Variants in AP1B1 observed in about 807,000 individuals in gnomAD.
AP1B1 encodes adaptor related protein complex 1 subunit beta 1, also known as AP-1 complex subunit beta-1.
AP1B1 carries 36 observed loss-of-function variants against 104.3 expected under a neutral mutation model. The observed-to-expected ratio is 0.35, with a 90% CI of 0.26 to 0.46. The LOEUF is 0.46. Among genes scored for constraint, AP1B1 ranks in the 20% least tolerant of loss-of-function variants. The pLI is 1.00. For synonymous variants in AP1B1, 504 were observed against 517.5 expected, an observed-to-expected ratio of 0.97 and a Z score of 0.35; for missense variants, 901 against 1,247.9, an observed-to-expected ratio of 0.72 and a Z score of 4.19.
chr22:29,350,188 A>G (rs1363129639), intron 9 of AP1B1, 38 bp from the exon 10 acceptor site: 1 of 1,554,750 alleles, frequency 6.4e-7, no homozygotes, highest in African/African-American at 1.4e-5. Flanking sequence ...AGGTCCCCGC[A>G]CCCCATTTCC....
At chr22:29,363,840 G>A (rs2062090464) in intron 2 of AP1B1, among the ~76,000 whole-genome samples, 1 of 151,904 alleles carries the variant, frequency 6.6e-6, no homozygotes, top group African/African-American at 2.4e-5. Flanking sequence ...AGGTTGCCGT[G>A]AGCCATGACA....
In AP1B1 at chr22:29,371,279, C is replaced by T. The variant is rs920866407; in HGVS notation, c.-27-4009G>A. The stretch of plus-strand genomic sequence containing the variant: ...AATGGAAAAAACCCTACAGTTCAGT[C>T]CTAACGGGGCTCAGACTCATAGATG... On this transcript the variant is annotated intron_variant, in intron 1 of 22. Transcript: ENST00000357586. Among the ~76,000 whole-genome samples, 13 of 152,272 alleles carry T rather than the reference C, an allele frequency of 8.5e-5. No homozygotes were observed. In the South Asian group the frequency reaches 2.5e-3, roughly 29 times the overall value.
At chr22:29,362,877 G>A in intron 3 of AP1B1, 124 bp downstream of exon 3, 1 of 666,204 alleles carries the variant, frequency 1.5e-6, no homozygotes, top group Non-Finnish European at 2.8e-6. Flanking sequence ...GTTTTATGAA[G>A]GGAGCTGTAT....
chr22:29,367,812 A>G (rs1430504742), intron 1 of AP1B1, among the ~76,000 whole-genome samples: 3 of 152,208 alleles, frequency 2.0e-5, no homozygotes, highest in Admixed American at 2.0e-4. Flanking sequence ...GAAAATACCA[A>G]GCTTAAAAGG....
chr22:29,357,535 T>G (rs1359869413), intron 5 of AP1B1, among the ~76,000 whole-genome samples: 1 of 151,800 alleles, frequency 6.6e-6, no homozygotes, highest in Non-Finnish European at 1.5e-5. Context: ...CCAGCTAATT[T>G]TTATATTTTT....
chr22:29,362,087 C>T (rs187315249), intron 3 of AP1B1, among the ~76,000 whole-genome samples: 10 of 152,120 alleles, frequency 6.6e-5, no homozygotes, highest in African/African-American at 1.9e-4. Context: ...CCACCACATC[C>T]GGCCTCGAAT....
At chr22:29,349,986 G>C in intron 10 of AP1B1, 49 bp downstream of exon 10, 1 of 1,440,868 alleles carries the variant, frequency 6.9e-7, no homozygotes, top group Non-Finnish European at 9.8e-7. Context: ...CGCCATCCCT[G>C]TCCCCAGGCA....
intron 11 of AP1B1, among the ~76,000 whole-genome samples, chr22:29,343,198 T>C (rs1283157128): frequency 6.6e-6 from 1 of 152,240 alleles, no homozygotes; most frequent in Non-Finnish European, 1.5e-5. Context: ...AGTCACGGTC[T>C]CATTTTTGCT....
intron 11 of AP1B1, among the ~76,000 whole-genome samples, chr22:29,344,035 G>A (rs540205116): frequency 2.7e-4 from 41 of 151,844 alleles, no homozygotes; most frequent in Non-Finnish European, 5.4e-4. Flanking sequence ...GCTTGAACCC[G>A]GGAGGCAGAG....
chr22:29,329,924 T>C, intron 21 of AP1B1: 1 of 1,431,126 alleles, frequency 7.0e-7, no homozygotes, highest in South Asian at 1.5e-5. Flanking sequence ...TCCGGGGCCC[T>C]GGAACAGCGG....
intron 17 of AP1B1, chr22:29,333,065 C>T (rs1199373919): frequency 3.3e-5 from 5 of 153,580 alleles, no homozygotes; most frequent in Non-Finnish European, 7.3e-5. Flanking sequence ...GCCTGGTGCA[C>T]TTCTGTGGCC....
In AP1B1 at chr22:29,354,726, G is replaced by A; in HGVS notation, c.862C>T (p.Leu288=). Residue 288 remains leucine (L), a synonymous_variant, in exon 7 of 23, where the codon CTG becomes TTG. Coordinates refer to ENST00000357586, the MANE Select transcript of AP1B1 (RefSeq NM_001127.4). Reference sequence around the variant, plus strand: ...GGCTCGGCTGACAGCAGTGTGACCAGGGGTGGGGCCAGCTTCTTGAGCAGT... The same window carrying A: ...GGCTCGGCTGACAGCAGTGTGACCAAGGGTGGGGCCAGCTTCTTGAGCAGT... ...GTLLKKLAPP[L]VTLLSAEPEL... 6.2e-7 allele frequency: 1 copy of A among 1,614,070 alleles called. No homozygotes were observed. The highest frequency in any genetic ancestry group is 8.5e-7 in the Non-Finnish European group (1 of 1,180,030).
chr22:29,383,899 T>C (rs1023385627), intron 1 of AP1B1, among the ~76,000 whole-genome samples: 2 of 152,134 alleles, frequency 1.3e-5, no homozygotes, highest in African/African-American at 4.8e-5. Context: ...CCTCCCTTCC[T>C]GACAGAGGTC....
intron 2 of AP1B1, among the ~76,000 whole-genome samples, chr22:29,364,134 T>C (rs1434244349): frequency 6.6e-6 from 1 of 152,228 alleles, no homozygotes; most frequent in Non-Finnish European, 1.5e-5. Context: ...GAGCAGGATT[T>C]GTGGATTCCC....
chr22:29,331,829 C>T lies in AP1B1; in HGVS notation c.2397G>A (p.Thr799=), dbSNP rs757462238. The stretch of plus-strand genomic sequence containing the variant: ...GCTCCATCTTCATGACCGAGCCCAC[C>T]GTGCTGAGAGGCAGGGAGATCTCCA... ...QTVEISLPLS[T]VGSVMKMEPL... The change falls in exon 18 of 23, where the codon ACG becomes ACA. Residue 799 remains threonine, a synonymous_variant. Transcript: ENST00000357586. The T allele has an allele frequency of 7.5e-6, 12 of 1,609,144 alleles. No homozygotes were observed. The highest frequency in any genetic ancestry group is 2.7e-5 in the African/African-American group (2 of 74,480).
intron 17 of AP1B1, among the ~76,000 whole-genome samples, chr22:29,333,980 G>A (rs2061599804): frequency 6.6e-6 from 1 of 152,218 alleles, no homozygotes; most frequent in Non-Finnish European, 1.5e-5. Context: ...CGGAAGAATT[G>A]CTTGAACCCA....
At position 29,340,638 on chromosome 22, in the gene AP1B1, A is replaced by AG. The variant is rs2061699837; in HGVS notation, c.1998+17dup. The AG allele has an allele frequency of 6.6e-7, 1 of 1,522,754 alleles. No homozygotes were observed. The highest frequency in any genetic ancestry group is 2.4e-5 in the East Asian group (1 of 40,874). The allele number at this position is 1,522,754 out of a possible 1,614,324, so 94.3% of individuals were successfully genotyped here. On this transcript the variant is annotated intron_variant, in intron 14 of 22. Coordinates refer to ENST00000357586, the MANE Select transcript of AP1B1 (RefSeq NM_001127.4). The stretch of plus-strand genomic sequence containing the variant: ...GAGGATCATTATCAACATCATCCAG[A>AG]GGGGGCCCACAACATACCAGGCTGT...
At chr22:29,331,386 T>C (rs912047768) in intron 19 of AP1B1, 63 bp downstream of exon 19, 1 of 1,516,314 alleles carries the variant, frequency 6.6e-7, no homozygotes, top group African/African-American at 1.4e-5. Context: ...AGGCACCACC[T>C]TGGCCAGGTT....
At chr22:29,354,526 T>C (rs967572272) in intron 7 of AP1B1, 124 bp downstream of exon 7, 10 of 915,844 alleles carry the variant, frequency 1.1e-5, no homozygotes, top group Admixed American at 2.3e-5. Flanking sequence ...GTTAAGCTAT[T>C]CTGGGTTAAG....
Sources: allele counts gnomAD v4.1 joint callset (sites outside exome capture counted in the v4.1 genomes callset), GRCh38; gene constraint gnomAD v4.1.1; transcripts MANE v1.5; gene names NCBI Gene and HGNC (gene_info 2026-07-23, HGNC 2026-07-21).